NUP88: variants seen among roughly 807,000 people sequenced by gnomAD.
NUP88 encodes nuclear pore complex protein Nup88.
A neutral mutation model predicts 93.9 loss-of-function variants in NUP88; 57 were observed. That is an observed-to-expected ratio of 0.61 (90% CI 0.49 to 0.76). The LOEUF (loss-of-function observed/expected upper bound fraction) is 0.76, where lower values mean the gene tolerates loss of function less well. Among genes scored for constraint, NUP88 ranks in the 30% least tolerant of loss-of-function variants. The pLI, the probability that NUP88 is intolerant of heterozygous loss-of-function variation, is 0.00. For synonymous variants in NUP88, 346 were observed against 336.8 expected (o/e 1.03, Z -0.30); for missense variants, 911 against 901.0 (o/e 1.01, Z -0.14).
chr17:5,386,643 G>A (rs1912001904), intron 16 of NUP88, 65 bp downstream of exon 16: 1 of 1,080,136 alleles, frequency 9.3e-7, no homozygotes, highest in Non-Finnish European at 1.4e-6. Flanking sequence ...AAGACAGGTT[G>A]ATTCTGGCAT....
At chr17:5,402,797 C>G (rs1336465938) in intron 7 of NUP88, among the ~76,000 whole-genome samples, 5 of 152,060 alleles carry the variant, frequency 3.3e-5, no homozygotes, top group African/African-American at 1.2e-4. Flanking sequence ...GAGCTCAGGA[C>G]TTTCAGCTTG....
chr17:5,413,678 T>C (rs553196879), intron 3 of NUP88, among the ~76,000 whole-genome samples: 9 of 152,166 alleles, frequency 5.9e-5, no homozygotes, highest in Non-Finnish European at 1.3e-4. Context: ...GGACAATAAT[T>C]CAAATCTCTA....
rs1913792680 is a variant in NUP88 at position 5,410,763 on chromosome 17, G to A, written c.620C>T (p.Thr207Ile). The A allele has an allele frequency of 2.5e-6, 4 of 1,612,452 alleles. No homozygotes were observed. Among genetic ancestry groups the A allele is most frequent in the Non-Finnish European group, 3.4e-6 (4 of 1,178,800 alleles). The change falls in exon 4 of 17, where the codon ACA (threonine) becomes ATA (isoleucine). Residue 207 changes from threonine to isoleucine, a missense_variant. By Grantham distance (89) the Thr-to-Ile change is moderately conservative (BLOSUM62 -1). Coordinates refer to ENST00000573584, the MANE Select transcript of NUP88 (RefSeq NM_002532.6). ...TGAAAGTATTATCACGTTAGTGGGT[G>A]TCTGCGGCTCACGTAGTGAGTAAAT... ...IRIYSLREPQ[T>I]PTNVIILSEA...
chr17:5,416,807 T>A, intron 1 of NUP88, 125 bp from the exon 2 acceptor site: 1 of 748,334 alleles, frequency 1.3e-6, no homozygotes, highest in Non-Finnish European at 2.1e-6. Context: ...GGATAAGTAC[T>A]CACACTTGTA....
Position 5,416,638 on chromosome 17 carries a change from G to C in NUP88, c.342C>G (p.Val114=), listed in dbSNP as rs768608739. The C allele has an allele frequency of 5.0e-6, 8 of 1,611,100 alleles. No homozygotes were observed. Among genetic ancestry groups the C allele is most frequent in the Non-Finnish European group, 6.8e-6 (8 of 1,179,196 alleles). ...CATGATGTTGTGTTGGGCTTAACAA[G>C]ACTTGATAGATTTCAAACAGGGGTG... ...INPPLFEIYQ[V]LLSPTQHHVA... The change falls in exon 2 of 17, where the codon GTC becomes GTG. Residue 114 remains valine (V), a synonymous_variant. Transcript: ENST00000573584.
At chr17:5,406,154 G>A (rs1458863393) in intron 5 of NUP88, among the ~76,000 whole-genome samples, 1 of 152,100 alleles carries the variant, frequency 6.6e-6, no homozygotes, top group African/African-American at 2.4e-5. Context: ...ACAACAGAAG[G>A]ATTTATGGTG....
chr17:5,408,473 A>G (rs145403290), intron 5 of NUP88, among the ~76,000 whole-genome samples: 10 of 152,332 alleles, frequency 6.6e-5, no homozygotes, highest in African/African-American at 2.4e-4. Context: ...ACTTGTTCGG[A>G]TAACTAGAAT....
At chr17:5,405,989 T>TA (rs1913467033) in intron 5 of NUP88, among the ~76,000 whole-genome samples, 1 of 152,220 alleles carries the variant, frequency 6.6e-6, no homozygotes, top group African/African-American at 2.4e-5. Flanking sequence ...TCCTTTCTTC[T>TA]AAAATGTAGC....
chr17:5,399,497 TA>T (rs1395622615), intron 8 of NUP88, 54 bp downstream of exon 8: 2 of 893,684 alleles, frequency 2.2e-6, no homozygotes, highest in Non-Finnish European at 3.6e-6. Context: ...TGAAATCTAT[TA>T]AATCTATTTT....
At chr17:5,416,417 T>A in intron 2 of NUP88, 96 bp downstream of exon 2, 1 of 801,812 alleles carries the variant, frequency 1.2e-6, no homozygotes, top group East Asian at 2.8e-5. Context: ...TTTTAATGTT[T>A]TAAGAGTAGT....
chr17:5,409,061 T>C (rs1284367818), intron 4 of NUP88, 152 bp from the exon 5 acceptor site: 5 of 632,874 alleles, frequency 7.9e-6, no homozygotes, highest in East Asian at 3.1e-5. Flanking sequence ...CAAAAAATGA[T>C]TATGAAGAAT....
At chr17:5,415,919 T>G (rs561983417) in intron 2 of NUP88, among the ~76,000 whole-genome samples, 126 of 151,714 alleles carry the variant, frequency 8.3e-4, no homozygotes, top group African/African-American at 2.9e-3. Context: ...CTAAGGTGGG[T>G]GGATCACTTG....
chr17:5,419,420 G>A lies in NUP88; in HGVS notation c.231C>T (p.Ser77=). Residue 77 remains serine (S), a synonymous_variant, in exon 1 of 17, where the codon TCC becomes TCT. Coordinates refer to ENST00000573584, the MANE Select transcript of NUP88 (RefSeq NM_002532.6). ...ELFLWDGEDS[S]FLVVRLRGPS... is the part of the protein sequence containing the mutation. ...GGCCCCGAAGGCGAACGACTAAGAA[G>A]GAGCTGTCTTCTCCGTCCCACAGGA... is the stretch of plus-strand genomic sequence containing the variant. The A allele has an allele frequency of 6.2e-7, 1 of 1,613,452 alleles. No individual in the cohort carries two copies. Among genetic ancestry groups the A allele is most frequent in the Non-Finnish European group, 8.5e-7 (1 of 1,179,594 alleles).
rs941152325 is a variant in NUP88, at chr17:5,384,961, G to C, written c.*1245C>G. Reference sequence around the variant, plus strand: ...TTATTAAAATTAGTGCTGTAAATCAGGGTGGGCAATTCACAGCCTTTCTGA... The same window carrying C: ...TTATTAAAATTAGTGCTGTAAATCACGGTGGGCAATTCACAGCCTTTCTGA... On this transcript the variant is annotated 3_prime_UTR_variant, in exon 17 of 17. Coordinates refer to ENST00000573584, the MANE Select transcript of NUP88 (RefSeq NM_002532.6). The C allele has an allele frequency of 4.4e-6, 1 of 227,676 alleles. No homozygotes were observed. Among genetic ancestry groups the C allele is most frequent in the Non-Finnish European group, 8.7e-6 (1 of 114,640 alleles). The allele number at this position is 227,676 out of a possible 1,614,324, so 14.1% of individuals were successfully genotyped here.
intron 10 of NUP88, 88 bp from the exon 11 acceptor site, chr17:5,389,048 C>CAGAATATA: frequency 1.0e-6 from 1 of 977,998 alleles, no homozygotes; most frequent in Non-Finnish European, 1.5e-6. Flanking sequence ...CCAGAACTTT[C>CAGAATATA]AGAATATAAA....
intron 3 of NUP88, among the ~76,000 whole-genome samples, chr17:5,411,580 CAA>C (rs56658902): frequency 3.9e-4 from 43 of 110,136 alleles, no homozygotes; most frequent in South Asian, 8.1e-4. Flanking sequence ...GACTCCATTT[CAA>C]AAAAAAAAAA....
intron 2 of NUP88, 99 bp from the exon 3 acceptor site, chr17:5,414,233 T>C: frequency 1.9e-6 from 2 of 1,064,244 alleles, no homozygotes; most frequent in South Asian, 2.8e-5. Context: ...TTCTCTCTTG[T>C]TGCCCAGGCT....
intron 4 of NUP88, among the ~76,000 whole-genome samples, chr17:5,410,286 T>C (rs1338472169): frequency 2.6e-5 from 4 of 152,246 alleles, no homozygotes; most frequent in African/African-American, 9.6e-5. Context: ...AAAACCATGC[T>C]GTTTTTATAT....
intron 2 of NUP88, among the ~76,000 whole-genome samples, chr17:5,415,838 T>C (rs899535008): frequency 1.5e-4 from 23 of 151,972 alleles, no homozygotes; most frequent in African/African-American, 5.3e-4. Context: ...TCTGGATTTG[T>C]TGAAAAAGAA....
Sources: allele counts gnomAD v4.1 joint callset (sites outside exome capture counted in the v4.1 genomes callset), GRCh38; gene constraint gnomAD v4.1.1; transcripts MANE v1.5; gene names NCBI Gene and HGNC (gene_info 2026-07-23, HGNC 2026-07-21).